The following CNTNAP5 variants were observed in gnomAD, a reference collection of about 807,000 sequenced individuals.
The protein encoded by CNTNAP5 is contactin-associated protein-like 5.
In CNTNAP5, 72 loss-of-function variants were observed where a neutral mutation model predicts 150.2. The ratio of observed to expected loss-of-function variants is 0.48; its 90% CI spans 0.40 to 0.58. The LOEUF (loss-of-function observed/expected upper bound fraction) is 0.58, where lower values mean the gene tolerates loss of function less well. Among genes scored for constraint, CNTNAP5 ranks in the 20% least tolerant of loss-of-function variants. The pLI, the probability that CNTNAP5 is intolerant of heterozygous loss-of-function variation, is 0.00. For synonymous variants in CNTNAP5, 672 were observed against 619.8 expected, an observed-to-expected ratio of 1.08 and a Z score of -1.25; for missense variants, 1,636 against 1,626.2, an observed-to-expected ratio of 1.01 and a Z score of -0.10.
intron 1 of CNTNAP5, among the ~76,000 whole-genome samples, chr2:124,103,785 G>C (rs1042302328): frequency 1.3e-5 from 2 of 148,958 alleles, no homozygotes; most frequent in Admixed American, 1.4e-4. Flanking sequence ...AGGCATGACT[G>C]TATATTAAGT....
intron 8 of CNTNAP5, among the ~76,000 whole-genome samples, chr2:124,509,281 A>G (rs796408311): frequency 1.3e-5 from 2 of 152,338 alleles, no homozygotes; most frequent in African/African-American, 4.8e-5. Context: ...AGGCATCTGA[A>G]TTTAGTTATT....
At chr2:124,557,402 G>A (rs113958347) in intron 10 of CNTNAP5, among the ~76,000 whole-genome samples, 46 of 152,260 alleles carry the variant, frequency 3.0e-4, no homozygotes, top group African/African-American at 1.1e-3. Flanking sequence ...CTGCTCAAGA[G>A]CGTGCAGGTA....
chr2:124,224,882 A>C (rs902098572), intron 2 of CNTNAP5, among the ~76,000 whole-genome samples: 3 of 152,130 alleles, frequency 2.0e-5, no homozygotes, highest in African/African-American at 7.2e-5. Context: ...TTTAAGACCA[A>C]ACTTATGTCC....
rs762924727 is a variant in CNTNAP5, at chr2:124,294,228, G to A, written c.381+51835G>A. On this transcript the variant is annotated intron_variant, in intron 3 of 23. Coordinates refer to ENST00000682447, the MANE Select transcript of CNTNAP5 (RefSeq NM_001367498.1). Reference sequence around the variant, plus strand: ...TATTTAGTGATACCTTGTTTTCTGCGTACTAGACACTCTTCTGATCCCAGG... The same window carrying A: ...TATTTAGTGATACCTTGTTTTCTGCATACTAGACACTCTTCTGATCCCAGG... Among the ~76,000 whole-genome samples the A allele has an allele frequency of 1.9e-3, 149 of 79,836 alleles. 2 individuals are homozygous for A. In the Middle Eastern group the frequency reaches 0.022, roughly 12 times the overall value. 52.4% of individuals were successfully genotyped at this position (79,836 alleles called of 152,430 possible).
chr2:124,729,873 T>C (rs1337863254), intron 13 of CNTNAP5, among the ~76,000 whole-genome samples: 1 of 152,146 alleles, frequency 6.6e-6, no homozygotes, highest in Non-Finnish European at 1.5e-5. Flanking sequence ...ATTTTTCTAA[T>C]TTGATTCTAG....
intron 18 of CNTNAP5, among the ~76,000 whole-genome samples, chr2:124,797,451 T>C (rs1681870758): frequency 6.6e-6 from 1 of 152,258 alleles, no homozygotes; most frequent in Non-Finnish European, 1.5e-5. Flanking sequence ...AAGTCTTGGC[T>C]ATATTTTGGA....
chr2:124,224,590 G>T (rs969935886), intron 2 of CNTNAP5, among the ~76,000 whole-genome samples: 32 of 151,728 alleles, frequency 2.1e-4, no homozygotes, highest in African/African-American at 6.3e-4. Flanking sequence ...ATATATACAG[G>T]TTTGGTTATA....
intron 9 of CNTNAP5, among the ~76,000 whole-genome samples, chr2:124,525,690 A>G (rs1244410771): frequency 6.6e-6 from 1 of 152,174 alleles, no homozygotes; most frequent in Admixed American, 6.5e-5. Flanking sequence ...CTTTACCTCA[A>G]ATGTCCTCCA....
chr2:124,212,532 G>A (rs12711675), intron 1 of CNTNAP5, among the ~76,000 whole-genome samples: 15,698 of 151,988 alleles, frequency 0.1, 865 homozygotes, highest in South Asian at 0.17. Context: ...AATTTTTTTG[G>A]TTTATGAATT....
chr2:124,824,638 G>A (rs545544215), intron 19 of CNTNAP5, among the ~76,000 whole-genome samples: 1 of 152,236 alleles, frequency 6.6e-6, no homozygotes, highest in East Asian at 1.9e-4. Flanking sequence ...TGATGCTCAT[G>A]GCAACTCCCA....
chr2:124,496,780 T>C (rs1354130903), intron 7 of CNTNAP5, among the ~76,000 whole-genome samples: 1 of 152,176 alleles, frequency 6.6e-6, no homozygotes, highest in African/African-American at 2.4e-5. Context: ...GTCCCTACGG[T>C]AGAGGAGTCT....
chr2:124,839,100 T>C (rs1232634741), intron 19 of CNTNAP5, among the ~76,000 whole-genome samples: 1 of 152,056 alleles, frequency 6.6e-6, no homozygotes, highest in Non-Finnish European at 1.5e-5. Context: ...AAGGCTCCCC[T>C]GGTGAGCTGA....
intron 1 of CNTNAP5, among the ~76,000 whole-genome samples, chr2:124,157,205 C>G (rs1374390760): frequency 6.6e-6 from 1 of 152,170 alleles, no homozygotes; most frequent in African/African-American, 2.4e-5. Context: ...ACATGTCTGT[C>G]TCCCTCACAG....
At chr2:124,586,961 TC>T (rs1404732293) in intron 11 of CNTNAP5, among the ~76,000 whole-genome samples, 1 of 152,168 alleles carries the variant, frequency 6.6e-6, no homozygotes, top group Admixed American at 6.5e-5. Flanking sequence ...TGGCCTGGGT[TC>T]AGATACCAGC....
At chr2:124,789,084 G>A (rs971655240) in intron 17 of CNTNAP5, among the ~76,000 whole-genome samples, 3 of 152,148 alleles carry the variant, frequency 2.0e-5, no homozygotes, top group Non-Finnish European at 4.4e-5. Context: ...ATCTGGCTCT[G>A]GTCTATCCAC....
At chr2:124,849,984 G>A (rs1265311545) in intron 19 of CNTNAP5, among the ~76,000 whole-genome samples, 2 of 152,152 alleles carry the variant, frequency 1.3e-5, no homozygotes, top group African/African-American at 4.8e-5. Flanking sequence ...GAAGAACTGT[G>A]TGAAATGGCC....
At chr2:124,140,410 C>G (rs1207339248) in intron 1 of CNTNAP5, among the ~76,000 whole-genome samples, 2 of 144,876 alleles carry the variant, frequency 1.4e-5, no homozygotes, top group Admixed American at 7.0e-5. Context: ...TTGAAGAGAG[C>G]AGTGGTTCTC....
At chr2:124,305,072 C>G (rs11686914) in intron 3 of CNTNAP5, among the ~76,000 whole-genome samples, 42,662 of 142,748 alleles carry the variant, frequency 0.3, 6,714 homozygotes, top group Non-Finnish European at 0.36. Flanking sequence ...TTAAGACCAG[C>G]CTGGGCAATA....
intron 6 of CNTNAP5, among the ~76,000 whole-genome samples, chr2:124,459,783 A>G (rs1693205704): frequency 6.7e-6 from 1 of 149,638 alleles, no homozygotes; most frequent in Non-Finnish European, 1.5e-5. Flanking sequence ...AAAAAAAAGG[A>G]ATTGTGTTCT....
Sources: allele counts gnomAD v4.1 joint callset (sites outside exome capture counted in the v4.1 genomes callset), GRCh38; gene constraint gnomAD v4.1.1; transcripts MANE v1.5; gene names NCBI Gene and HGNC (gene_info 2026-07-23, HGNC 2026-07-21).